SLC26A5: variants seen among roughly 807,000 people sequenced by gnomAD.
SLC26A5 encodes the protein prestin.
A neutral mutation model predicts 81.0 loss-of-function variants in SLC26A5; 51 were observed. That is an observed-to-expected ratio of 0.63 (90% CI 0.50 to 0.80). SLC26A5 has a LOEUF of 0.80. Among genes scored for constraint, SLC26A5 ranks in the 30% least tolerant of loss-of-function variants. The pLI, the probability that SLC26A5 is intolerant of heterozygous loss-of-function variation, is 0.00. For synonymous variants in SLC26A5, 325 were observed against 332.8 expected (o/e 0.98, Z 0.25); for missense variants, 771 against 905.8 (o/e 0.85, Z 1.91).
intron 1 of SLC26A5, among the ~76,000 whole-genome samples, chr7:103,444,049 G>A (rs1827084503): frequency 6.6e-6 from 1 of 152,192 alleles, no homozygotes. Flanking sequence ...GATGTTGATA[G>A]TTGTTGGTAC....
chr7:103,384,286 C>T lies in SLC26A5; in HGVS notation c.1515-3737G>A, dbSNP rs200155328. ...GCATGAGATGAGACACTGTGTTTGG[C>T]CTATATTCTAATTTTTTGAAGATGG... On this transcript the variant is annotated intron_variant, in intron 14 of 19. Coordinates refer to ENST00000306312, the MANE Select transcript of SLC26A5 (RefSeq NM_198999.3). Among the ~76,000 whole-genome samples, 4 of 151,598 alleles carry T rather than the reference C, an allele frequency of 2.6e-5. No homozygotes were observed. In the East Asian group the frequency reaches 7.9e-4, roughly 30 times the overall value.
At chr7:103,403,472 T>C (rs1176465599) in intron 8 of SLC26A5, among the ~76,000 whole-genome samples, 1 of 152,184 alleles carries the variant, frequency 6.6e-6, no homozygotes, top group Non-Finnish European at 1.5e-5. Flanking sequence ...CAGTGGGGTG[T>C]TAAAGTCTCC....
rs898212417 is a variant in SLC26A5 at position 103,389,875 on chromosome 7, G to A, written c.1312-451C>T. ...ACTCCTAACCACAGGTTATCTGCCC[G>A]CCTCAGCCTCCCAAAGTGCCAATTA... On this transcript the variant is annotated intron_variant, in intron 12 of 19. Transcript: ENST00000306312. Among the ~76,000 whole-genome samples, 7 of 152,158 alleles carry A rather than the reference G, an allele frequency of 4.6e-5. No homozygotes were observed. In the East Asian group the frequency reaches 5.8e-4, roughly 13 times the overall value.
intron 8 of SLC26A5, among the ~76,000 whole-genome samples, chr7:103,399,022 G>C (rs1385417491): frequency 6.6e-6 from 1 of 152,056 alleles, no homozygotes; most frequent in African/African-American, 2.4e-5. Context: ...TTATACAGTG[G>C]TTAAGTAATT....
intron 14 of SLC26A5, 22 bp downstream of exon 14, chr7:103,388,986 C>A: frequency 6.5e-7 from 1 of 1,542,696 alleles, no homozygotes; most frequent in South Asian, 1.1e-5. Flanking sequence ...ACATTCACAC[C>A]CATTCCAATC....
downstream of SLC26A5, among the ~76,000 whole-genome samples, chr7:103,372,575 T>A (rs1482660827): frequency 6.6e-6 from 1 of 152,210 alleles, no homozygotes; most frequent in Non-Finnish European, 1.5e-5. Flanking sequence ...TGACATTCCA[T>A]GTTTCTGTGG....
At chr7:103,402,964 G>A (rs1265464571) in intron 8 of SLC26A5, among the ~76,000 whole-genome samples, 1 of 152,120 alleles carries the variant, frequency 6.6e-6, no homozygotes, top group Non-Finnish European at 1.5e-5. Context: ...TAATTGTGAT[G>A]TTAGGGTGTT....
intron 9 of SLC26A5, 106 bp from the exon 10 acceptor site, chr7:103,393,172 A>C: frequency 5.2e-6 from 7 of 1,341,532 alleles, no homozygotes; most frequent in Non-Finnish European, 7.3e-6. Context: ...CTGCAAATGA[A>C]GTAATCAATG....
At chr7:103,398,433 C>T (rs966878221) in intron 8 of SLC26A5, among the ~76,000 whole-genome samples, 9 of 152,204 alleles carry the variant, frequency 5.9e-5, no homozygotes, top group African/African-American at 9.7e-5. Flanking sequence ...AAATGTACAT[C>T]TGGATTTAGA....
chr7:103,409,705 A>G (rs1824323326), intron 7 of SLC26A5, among the ~76,000 whole-genome samples: 1 of 151,652 alleles, frequency 6.6e-6, no homozygotes, highest in Non-Finnish European at 1.5e-5. Context: ...AGTTTGAACT[A>G]GCAGGTTTTG....
In SLC26A5 at chr7:103,389,068, T is replaced by G. The variant is rs1401773901; in HGVS notation, c.1454A>C (p.Asp485Ala). 1 of 1,613,778 alleles carries G rather than the reference T, an allele frequency of 6.2e-7. No homozygotes were observed. The highest frequency in any genetic ancestry group is 8.5e-7 in the Non-Finnish European group (1 of 1,179,876). The change falls in exon 14 of 20, where the codon GAC (aspartate) becomes GCC (alanine). Residue 485 changes from aspartate (D) to alanine (A), a missense_variant. By Grantham distance (126) the Asp-to-Ala change is moderately radical. Transcript: ENST00000306312. The stretch of plus-strand genomic sequence containing the variant: ...GATCACAGCAGTGATCAAACCATAG[T>G]CCAATCCCAGGAACAAGGAGGACAC... ...TFVSSLFLGLDYGLITAVIIA... is the reference protein window; with the variant it reads ...TFVSSLFLGLAYGLITAVIIA...
At position 103,389,435 on chromosome 7, in the gene SLC26A5, G is replaced by A. The variant is rs1460668558; in HGVS notation, c.1312-11C>T. On this transcript the variant is annotated splice_polypyrimidine_tract_variant and intron_variant, in intron 12 of 19. Transcript: ENST00000306312. ...GGCCGACAGCACAGCCTGAAACAGAGCACATCCCCCATGCCTCTCCTCTTG... is the reference window on the plus strand; with the variant it reads ...GGCCGACAGCACAGCCTGAAACAGAACACATCCCCCATGCCTCTCCTCTTG... 2 of 1,600,250 alleles carry A rather than the reference G, an allele frequency of 1.2e-6. No individual in the cohort carries two copies. The highest frequency in any genetic ancestry group is 1.7e-6 in the Non-Finnish European group (2 of 1,167,526).
At chr7:103,423,671 A>T (rs2116743284) in intron 2 of SLC26A5, among the ~76,000 whole-genome samples, 1 of 152,294 alleles carries the variant, frequency 6.6e-6, no homozygotes, top group East Asian at 1.9e-4. Context: ...AGGATGATGC[A>T]ATAAGACACC....
At chr7:103,426,392 C>T (rs111970015) in intron 2 of SLC26A5, among the ~76,000 whole-genome samples, 12 of 152,170 alleles carry the variant, frequency 7.9e-5, no homozygotes, top group African/African-American at 2.9e-4. Flanking sequence ...GTTAAATTTG[C>T]ATATTAATCA....
chr7:103,425,674 A>G (rs1825666534), intron 2 of SLC26A5, among the ~76,000 whole-genome samples: 1 of 152,130 alleles, frequency 6.6e-6, no homozygotes, highest in South Asian at 2.1e-4. Flanking sequence ...TTGCCATAAG[A>G]TGCTTACTGA....
chr7:103,420,607 A>AC (rs1825271796), intron 4 of SLC26A5, 131 bp downstream of exon 4: 1 of 1,236,548 alleles, frequency 8.1e-7, no homozygotes, highest in African/African-American at 1.5e-5. Flanking sequence ...TCTGAAGAAT[A>AC]CCTTTAGATA....
At position 103,374,277 on chromosome 7, in the gene SLC26A5, A is replaced by T; in HGVS notation, c.*122T>A. 6.6e-7 allele frequency: 1 copy of T among 1,504,516 alleles called. No individual in the cohort carries two copies. Among genetic ancestry groups the T allele is most frequent in the Non-Finnish European group, 8.9e-7 (1 of 1,128,834 alleles). The allele number at this position is 1,504,516 out of a possible 1,614,324, so 93.2% of individuals were successfully genotyped here. ...CTTGCTAGGCGTCATTCACCCTCCA[A>T]ATCAAGCCTGGACTACTAGTATTCA... On this transcript the variant is annotated 3_prime_UTR_variant, in exon 20 of 20. Coordinates refer to ENST00000306312, the MANE Select transcript of SLC26A5 (RefSeq NM_198999.3).
At chr7:103,437,804 G>C (rs960714470) in intron 2 of SLC26A5, among the ~76,000 whole-genome samples, 3 of 152,198 alleles carry the variant, frequency 2.0e-5, no homozygotes. Flanking sequence ...ATGGGGAATT[G>C]TTGACTGAAG....
intron 14 of SLC26A5, among the ~76,000 whole-genome samples, chr7:103,387,117 T>C (rs1822254154): frequency 6.6e-6 from 1 of 152,230 alleles, no homozygotes; most frequent in Non-Finnish European, 1.5e-5. Context: ...GATAAAGAAC[T>C]CTTACATATG....
Sources: gnomAD v4.1 joint callset for allele counts (sites outside exome capture counted in the v4.1 genomes callset) on GRCh38, gnomAD v4.1.1 for gene constraint, MANE v1.5 for transcripts, NCBI Gene and HGNC (gene_info 2026-07-23, HGNC 2026-07-21) for gene names.